The following ZC3H12B variants were observed in gnomAD, a reference collection of about 807,000 sequenced individuals.
ZC3H12B encodes the protein probable ribonuclease ZC3H12B.
Under a neutral mutation model 43.9 loss-of-function variants are expected in ZC3H12B, and 7 were observed. The ratio of observed to expected loss-of-function variants is 0.16; its 90% confidence interval spans 0.09 to 0.30. ZC3H12B has a LOEUF of 0.30. ZC3H12B is among the 10% of genes least tolerant of loss of function. The pLI is 1.00. For missense variants in ZC3H12B, 475 were observed against 670.2 expected (o/e 0.71, Z 3.22); for synonymous variants, 222 against 241.7 (o/e 0.92, Z 0.76).
the ZC3H12B span, among the ~76,000 whole-genome samples, chrX:65,229,365 C>T: frequency 5.3e-4 from 58 of 110,129 alleles, no homozygotes; most frequent in African/African-American, 6.6e-4. Context: ...CTTCCTTACA[C>T]CTTATACAAA....
At chrX:65,484,562 G>A (rs989671278), upstream of ZC3H12B, among the ~76,000 whole-genome samples, 9 of 111,745 alleles carry the variant, frequency 8.1e-5, no homozygotes, top group South Asian at 3.8e-4. Context: ...TATAAGTGGC[G>A]GGAAGGGCAG....
At chrX:65,156,023 T>G in the ZC3H12B span, among the ~76,000 whole-genome samples, 4 of 111,341 alleles carry the variant, frequency 3.6e-5, no homozygotes, top group South Asian at 1.5e-3. Flanking sequence ...ATTGAATAAT[T>G]AGTCAAGGTT....
chrX:65,189,246 G>T, the ZC3H12B span, among the ~76,000 whole-genome samples: 11 of 101,300 alleles, frequency 1.1e-4, no homozygotes, highest in Non-Finnish European at 1.8e-4. Flanking sequence ...GAATAATGCC[G>T]CAATAAACAT....
rs1251625139 is a variant in ZC3H12B at position 65,448,979 on chromosome X, GAGAA to G, written n.408-39655_408-39652del. On this transcript the variant is annotated intron_variant and non_coding_transcript_variant, in intron 3 of 5. Transcript: ENST00000617377. Reference sequence around the variant, plus strand: ...AAAAAGAAAGAAAGAAAGAAAGAAAGAGAAAGAAAGAAAGAGAGGAAAGAAAGAA... The same window carrying G: ...AAAAAGAAAGAAAGAAAGAAAGAAAGAGAAAGAAAGAGAGGAAAGAAAGAA... Among the ~76,000 whole-genome samples, 7 of 21,670 alleles carry G rather than the reference GAGAA, an allele frequency of 3.2e-4. 1 individual carries two copies. The highest frequency in any genetic ancestry group is 3.7e-4 in the African/African-American group (7 of 18,795). 18.8% of individuals were successfully genotyped at this position (21,670 alleles called of 115,157 possible). A position where few individuals can be genotyped will look rare whatever the true frequency, so the allele number is the denominator to read the frequency against.
the ZC3H12B span, among the ~76,000 whole-genome samples, chrX:65,065,783 A>C: frequency 9.1e-6 from 1 of 110,079 alleles, no homozygotes; most frequent in Non-Finnish European, 1.9e-5. Flanking sequence ...TACACCAATC[A>C]ATCATAGATT....
the ZC3H12B span, among the ~76,000 whole-genome samples, chrX:65,093,351 C>T: frequency 8.9e-6 from 1 of 111,876 alleles, no homozygotes; most frequent in South Asian, 3.8e-4. Flanking sequence ...TGGGTCACTG[C>T]CTGGTGAAGC....
intron 3 of ZC3H12B, among the ~76,000 whole-genome samples, chrX:65,462,197 A>C (rs2067759491): frequency 9.0e-6 from 1 of 110,891 alleles, no homozygotes; most frequent in Non-Finnish European, 1.9e-5. Flanking sequence ...CCTATTATGC[A>C]CTGGGTATAA....
the ZC3H12B span, among the ~76,000 whole-genome samples, chrX:65,127,547 T>C: frequency 9.0e-6 from 1 of 110,720 alleles, no homozygotes; most frequent in African/African-American, 3.3e-5. Context: ...TGGTTAAGTA[T>C]TCAGGTTTTT....
At chrX:65,205,960 GAC>G in the ZC3H12B span, among the ~76,000 whole-genome samples, 1 of 111,377 alleles carries the variant, frequency 9.0e-6, no homozygotes, top group Non-Finnish European at 1.9e-5. Flanking sequence ...TATACCTAAG[GAC>G]TTGAAAGACC....
intron 3 of ZC3H12B, among the ~76,000 whole-genome samples, chrX:65,410,964 C>G (rs1177791483): frequency 8.9e-6 from 1 of 112,090 alleles, no homozygotes; most frequent in Non-Finnish European, 1.9e-5. Context: ...GAATATGTAA[C>G]TAAAAGAAAG....
intron 2 of ZC3H12B, among the ~76,000 whole-genome samples, chrX:65,397,027 C>T (rs776519203): frequency 3.6e-5 from 4 of 111,234 alleles, no homozygotes; most frequent in Non-Finnish European, 7.5e-5. Flanking sequence ...ATTGCAACCT[C>T]GGCTTTTTTT....
the ZC3H12B span, among the ~76,000 whole-genome samples, chrX:65,361,271 T>C: frequency 6.2e-5 from 7 of 112,113 alleles, no homozygotes; most frequent in African/African-American, 2.3e-4. Context: ...AGAAGGCTAG[T>C]ATAAGGGGTG....
the ZC3H12B span, among the ~76,000 whole-genome samples, chrX:65,092,724 G>A: frequency 1.8e-5 from 2 of 112,091 alleles, no homozygotes; most frequent in African/African-American, 6.5e-5. Context: ...ATATGTGTGA[G>A]CAAACAAATG....
intron 2 of ZC3H12B, among the ~76,000 whole-genome samples, chrX:65,379,110 C>T (rs1391841740): frequency 8.9e-6 from 1 of 112,182 alleles, no homozygotes; most frequent in Non-Finnish European, 1.9e-5. Flanking sequence ...CCTGCCACAG[C>T]TCAAGGAGGC....
chrX:65,182,732 A>AC, the ZC3H12B span, among the ~76,000 whole-genome samples: 6 of 111,042 alleles, frequency 5.4e-5, no homozygotes, highest in African/African-American at 1.6e-4. Context: ...AAAAAAAAAA[A>AC]CAAAAAACCC....
chrX:65,454,213 A>C (rs2067568478), intron 3 of ZC3H12B, among the ~76,000 whole-genome samples: 1 of 112,716 alleles, frequency 8.9e-6, no homozygotes. Context: ...TGGGAAGCAC[A>C]AGGGGTCAGG....
chrX:65,436,277 G>A (rs1225589591), intron 3 of ZC3H12B, among the ~76,000 whole-genome samples: 4 of 112,026 alleles, frequency 3.6e-5, no homozygotes, highest in Non-Finnish European at 3.8e-5. Context: ...TCCAACACTG[G>A]GAACCACAAC....
At chrX:65,436,061 G>A (rs2067218219) in intron 3 of ZC3H12B, among the ~76,000 whole-genome samples, 1 of 112,241 alleles carries the variant, frequency 8.9e-6, no homozygotes, top group South Asian at 3.7e-4. Flanking sequence ...TGGTTGGGGA[G>A]GCCTCAGGAA....
At chrX:65,364,595 A>T (rs183953828), upstream of ZC3H12B, among the ~76,000 whole-genome samples, 285 of 88,664 alleles carry the variant, frequency 3.2e-3, 1 homozygote, top group African/African-American at 0.028. Flanking sequence ...CTCTTCACAC[A>T]CAAGGCAAAT....
Sources: gnomAD v4.1 joint callset for allele counts (sites outside exome capture counted in the v4.1 genomes callset) on GRCh38, gnomAD v4.1.1 for gene constraint, MANE v1.5 for transcripts, NCBI Gene and HGNC (gene_info 2026-07-23, HGNC 2026-07-21) for gene names.